MPP4: variants seen among roughly 807,000 people sequenced by gnomAD.
The protein encoded by MPP4 is MAGUK p55 scaffold protein 4, also known as MAGUK p55 subfamily member 4.
Under a neutral mutation model 98.3 loss-of-function variants are expected in MPP4, and 91 were observed. The ratio of observed to expected loss-of-function variants is 0.93; its 90% CI spans 0.78 to 1.10. MPP4 has a LOEUF of 1.10. MPP4 is among the 50% of genes least tolerant of loss of function. MPP4 has a pLI of 0.00. For synonymous variants in MPP4, 261 were observed against 271.8 expected (o/e 0.96, Z 0.39); for missense variants, 744 against 792.9 (o/e 0.94, Z 0.74).
Position 201,685,056 on chromosome 2 carries a change from C to T in MPP4, c.574+8G>A, listed in dbSNP as rs1202016397. ...TGGTAACTCTCAATCCCAGCTGCTC[C>T]AGCTTACCACTTCTCTCCGCCAGCC... On this transcript the variant is annotated splice_region_variant and intron_variant, in intron 7 of 21. Transcript: ENST00000409474. The T allele has an allele frequency of 6.2e-7, 1 of 1,610,118 alleles. No individual in the cohort carries two copies. The highest frequency in any genetic ancestry group is 1.1e-5 in the South Asian group (1 of 89,782).
chr2:201,675,889 T>C (rs1300244811), intron 10 of MPP4, among the ~76,000 whole-genome samples: 1 of 152,160 alleles, frequency 6.6e-6, no homozygotes, highest in Non-Finnish European at 1.5e-5. Context: ...ACTGTGAAGT[T>C]TGGAGCAAGA....
chr2:201,686,150 A>T, intron 5 of MPP4, 100 bp from the exon 6 acceptor site: 1 of 1,391,006 alleles, frequency 7.2e-7, no homozygotes, highest in Admixed American at 2.1e-5. Context: ...CAACAACAAC[A>T]AACACCAATA....
At chr2:201,651,773 G>A (rs1250035838) in intron 18 of MPP4, 2 of 458,100 alleles carry the variant, frequency 4.4e-6, no homozygotes, top group African/African-American at 4.3e-5. Flanking sequence ...AGCCAACATG[G>A]TGAAACCCCA....
chr2:201,680,585 C>T, intron 10 of MPP4: 1 of 430,762 alleles, frequency 2.3e-6, no homozygotes, highest in Non-Finnish European at 4.2e-6. Context: ...CAGGCCATAG[C>T]ACTTTTTAAG....
At position 201,685,927 on chromosome 2, in the gene MPP4, G is replaced by T; in HGVS notation, c.484C>A (p.Gln162Lys). 6.2e-7 allele frequency: 1 copy of T among 1,611,288 alleles called. No individual in the cohort carries two copies. Among genetic ancestry groups the T allele is most frequent in the Non-Finnish European group, 8.5e-7 (1 of 1,177,796 alleles). The change falls in exon 6 of 22, where the codon CAG becomes AAG. Residue 162 changes from glutamine (Q) to lysine (K), a missense_variant. Gln to Lys is a moderately conservative substitution (Grantham distance 53). Transcript: ENST00000409474. ...MRIVCLVKNQ[Q>K]PLGATIKRHE... ...AAAAATGATTTCCTTACCAGGGGCT[G>T]TTGGTTTTTCACTAAACAAACAATC...
At chr2:201,646,483 G>T (rs1574593219) in intron 21 of MPP4, among the ~76,000 whole-genome samples, 1 of 151,508 alleles carries the variant, frequency 6.6e-6, no homozygotes, top group African/African-American at 2.4e-5. Flanking sequence ...ACAAATGCAG[G>T]CACCAAAATC....
intron 16 of MPP4, among the ~76,000 whole-genome samples, chr2:201,657,605 T>TTTTTTTTTTTTTTTTTTTTTTTTTC (rs1436234491): frequency 1.6e-5 from 2 of 125,158 alleles, no homozygotes; most frequent in Non-Finnish European, 3.4e-5. Context: ...TTTTTTGTTT[T>TTTTTTTTTTTTTTTTTTTTTTTTTC]TTTGTTTTTT....
chr2:201,672,013 C>CA lies in MPP4; in HGVS notation c.995-2264dup, dbSNP rs199729607. Among the ~76,000 whole-genome samples the CA allele has an allele frequency of 3.8e-3, 573 of 152,274 alleles. 8 individuals are homozygous for CA. The highest frequency in any genetic ancestry group is 0.024 in the Admixed American group (365 of 15,288). On this transcript the variant is annotated intron_variant, in intron 11 of 21. Coordinates refer to ENST00000409474, the MANE Select transcript of MPP4 (RefSeq NM_033066.3). Reference sequence around the variant, plus strand: ...CACCAACCGGAAGTAAAACATTCCTCAGCAAATGCAAAAGAACGGAAATCA... The same window carrying CA: ...CACCAACCGGAAGTAAAACATTCCTCAAGCAAATGCAAAAGAACGGAAATCA...
chr2:201,657,199 G>A (rs901197691), intron 16 of MPP4, among the ~76,000 whole-genome samples: 2 of 152,122 alleles, frequency 1.3e-5, no homozygotes, highest in Non-Finnish European at 2.9e-5. Flanking sequence ...AGAAAGAGTG[G>A]AGCAGGCTCA....
At chr2:201,686,182 G>T (rs561716831) in intron 5 of MPP4, 132 bp from the exon 6 acceptor site, 2 of 1,050,908 alleles carry the variant, frequency 1.9e-6, no homozygotes, top group Admixed American at 5.0e-5. Flanking sequence ...GACACAGTGC[G>T]AAGCATTTTA....
chr2:201,663,091 T>C (rs1036126026), intron 14 of MPP4, among the ~76,000 whole-genome samples: 1 of 152,250 alleles, frequency 6.6e-6, no homozygotes. Context: ...AATAAATCAT[T>C]CAATAATTGC....
intron 8 of MPP4, among the ~76,000 whole-genome samples, chr2:201,682,043 A>T (rs7580914): frequency 0.027 from 4,145 of 152,172 alleles, 176 homozygotes; most frequent in African/African-American, 0.094. Flanking sequence ...AAACTAATAG[A>T]GGAAATAGGG....
Position 201,656,295 on chromosome 2 carries a change from G to A in MPP4, c.1203C>T (p.Cys401=). 6.3e-7 allele frequency: 1 copy of A among 1,580,244 alleles called. No individual in the cohort carries two copies. The highest frequency in any genetic ancestry group is 8.6e-7 in the Non-Finnish European group (1 of 1,162,552). Residue 401 remains cysteine, a synonymous_variant, in exon 17 of 22, where the codon TGC becomes TGT. Coordinates refer to ENST00000409474, the MANE Select transcript of MPP4 (RefSeq NM_033066.3). ...HLSPLHASVC[C]TGSCYSAVGA... is the part of the protein sequence containing the mutation. ...CCACTGCACTGTAGCAGCTGCCGGT[G>A]CAGCACACACTGGCATGCAGCGGGC...
At chr2:201,664,710 T>A (rs1017195807) in intron 13 of MPP4, among the ~76,000 whole-genome samples, 1 of 152,214 alleles carries the variant, frequency 6.6e-6, no homozygotes, top group African/African-American at 2.4e-5. Flanking sequence ...ACATTACCAA[T>A]GCATGCGTCC....
intron 21 of MPP4, among the ~76,000 whole-genome samples, chr2:201,645,607 T>A (rs1687540099): frequency 1.3e-5 from 2 of 152,090 alleles, no homozygotes; most frequent in Admixed American, 1.3e-4. Flanking sequence ...AAAATAGTAA[T>A]TTTTTTGCCC....
intron 11 of MPP4, among the ~76,000 whole-genome samples, chr2:201,673,358 G>A (rs1283056742): frequency 6.6e-6 from 1 of 152,178 alleles, no homozygotes; most frequent in Non-Finnish European, 1.5e-5. Flanking sequence ...TCATAAATGG[G>A]AGTTGAACTA....
chr2:201,658,968 C>T (rs1434383200), intron 15 of MPP4, among the ~76,000 whole-genome samples: 1 of 152,068 alleles, frequency 6.6e-6, no homozygotes, highest in Non-Finnish European at 1.5e-5. Flanking sequence ...ACGATCTCGG[C>T]CACTGCAACC....
intron 1 of MPP4, among the ~76,000 whole-genome samples, chr2:201,696,202 G>T (rs1221474477): frequency 1.3e-5 from 2 of 152,170 alleles, no homozygotes; most frequent in African/African-American, 4.8e-5. Flanking sequence ...GCTTGACATC[G>T]TTATGCTTTT....
At chr2:201,650,867 C>T in intron 18 of MPP4, 1 of 985,330 alleles carries the variant, frequency 1.0e-6, no homozygotes, top group Non-Finnish European at 1.2e-6. Flanking sequence ...TTTGATATGG[C>T]CACTTTGATT....
Sources: allele counts gnomAD v4.1 joint callset (sites outside exome capture counted in the v4.1 genomes callset), GRCh38; gene constraint gnomAD v4.1.1; transcripts MANE v1.5; gene names NCBI Gene and HGNC (gene_info 2026-07-23, HGNC 2026-07-21).